CATSPERE: variants seen among roughly 807,000 people sequenced by gnomAD.
The protein encoded by CATSPERE is cation channel sperm-associated auxiliary subunit epsilon.
Under a neutral mutation model 114.1 loss-of-function variants are expected in CATSPERE, and 93 were observed. The observed-to-expected ratio is 0.81, with a 90% confidence interval of 0.69 to 0.97. The LOEUF (loss-of-function observed/expected upper bound fraction) is 0.97. Ranked by LOEUF, CATSPERE falls within the 50% of genes least tolerant of loss-of-function variation. The pLI, the probability that CATSPERE is intolerant of heterozygous loss-of-function variation, is 0.00. For synonymous variants in CATSPERE, 341 were observed against 384.1 expected (o/e 0.89, Z 1.31); for missense variants, 1,058 against 1,131.6 (o/e 0.93, Z 0.93).
intron 6 of CATSPERE, among the ~76,000 whole-genome samples, chr1:244,491,985 A>G (rs1208986825): frequency 3.3e-5 from 5 of 152,222 alleles, no homozygotes; most frequent in Non-Finnish European, 7.3e-5. Context: ...CCAGGACCAG[A>G]TGGATTCACA....
At chr1:244,462,040 C>T (rs970320212) in intron 1 of CATSPERE, among the ~76,000 whole-genome samples, 3 of 152,160 alleles carry the variant, frequency 2.0e-5, no homozygotes, top group Non-Finnish European at 4.4e-5. Context: ...TGGTCTCGAA[C>T]TCCTGGCCTT....
intron 18 of CATSPERE, among the ~76,000 whole-genome samples, chr1:244,609,194 C>CAAAT (rs1253388600): frequency 6.6e-6 from 1 of 151,814 alleles, no homozygotes; most frequent in Non-Finnish European, 1.5e-5. Flanking sequence ...TCTAAACAAA[C>CAAAT]AAATAAATAA....
intron 13 of CATSPERE, among the ~76,000 whole-genome samples, chr1:244,586,438 C>A (rs953447051): frequency 1.3e-5 from 2 of 152,066 alleles, no homozygotes; most frequent in Admixed American, 1.3e-4. Context: ...AAAGGGCAGG[C>A]CAATGATTCT....
At position 244,575,256 on chromosome 1, in the gene CATSPERE, A is replaced by G. The variant is rs1274026189; in HGVS notation, c.1950+2484A>G. ...CCAGGCCCCGGGCTGTTGCTGGCCC[A>G]GAGGCTTGGCAGGTGCCTGCCGTAA... On this transcript the variant is annotated intron_variant, in intron 11 of 21. Coordinates refer to ENST00000366534, the MANE Select transcript of CATSPERE (RefSeq NM_001130957.2). This position sits in a 1 kb window ranked among gnomAD's most constrained non-coding sequence, Gnocchi z 4.5. Among the ~76,000 whole-genome samples, 2 of 152,214 alleles carry G rather than the reference A, an allele frequency of 1.3e-5. No individual in the cohort carries two copies. Among genetic ancestry groups the G allele is most frequent in the Non-Finnish European group, 2.9e-5 (2 of 68,040 alleles).
intron 2 of CATSPERE, among the ~76,000 whole-genome samples, chr1:244,472,000 C>T (rs544003871): frequency 6.6e-6 from 1 of 152,298 alleles, no homozygotes; most frequent in Non-Finnish European, 1.5e-5. Context: ...AACTCTGTTG[C>T]CTAGCGTGGT....
rs1416947117 is a variant in CATSPERE at position 244,468,142 on chromosome 1, G to C, written c.114+4186G>C. 4.0e-5 allele frequency among the ~76,000 whole-genome samples: 6 copies of C among 150,356 alleles called. No homozygotes were observed. The South Asian group carries it at 8.4e-4, about 21-fold the overall frequency. On this transcript the variant is annotated intron_variant, in intron 2 of 21. Transcript: ENST00000366534. ...AAAATCTCGCTCTGTCACCCAGGCTGGAGTGCAGTGCGCAATCTTGGCTCA... is the reference window on the plus strand; with the variant it reads ...AAAATCTCGCTCTGTCACCCAGGCTCGAGTGCAGTGCGCAATCTTGGCTCA...
chr1:244,451,748 GC>G, upstream of CATSPERE: 1 of 1,601,914 alleles, frequency 6.2e-7, no homozygotes. This position sits in a 1 kb window ranked among gnomAD's most constrained non-coding sequence, Gnocchi z 6.6. Context: ...CCTCCGGGCC[GC>G]GCCCTGGGGC....
intron 20 of CATSPERE, among the ~76,000 whole-genome samples, chr1:244,620,312 C>G (rs1671929762): frequency 6.6e-6 from 1 of 152,176 alleles, no homozygotes; most frequent in Non-Finnish European, 1.5e-5. Flanking sequence ...TCTCTTTTAA[C>G]ACTGCAATCA....
intron 2 of CATSPERE, among the ~76,000 whole-genome samples, chr1:244,469,721 A>G (rs991767100): frequency 6.6e-6 from 1 of 152,210 alleles, no homozygotes; most frequent in African/African-American, 2.4e-5. Flanking sequence ...GAAATTCAAG[A>G]GTACCAGAAT....
At chr1:244,569,122 G>C (rs555333344) in intron 10 of CATSPERE, among the ~76,000 whole-genome samples, 18 of 149,736 alleles carry the variant, frequency 1.2e-4, no homozygotes, top group African/African-American at 4.3e-4. Context: ...GGATACCATG[G>C]GTTCCTTATG....
rs1486675271 is a variant in CATSPERE, at chr1:244,523,993, A to G, written c.536+5295A>G. On this transcript the variant is annotated intron_variant, in intron 8 of 21. Transcript: ENST00000366534. ...ACAGAATTGGAAAAAACTACTTTAAAGTTCATATGGAACCAAAAAAGAGCC... is the reference window on the plus strand; with the variant it reads ...ACAGAATTGGAAAAAACTACTTTAAGGTTCATATGGAACCAAAAAAGAGCC... Among the ~76,000 whole-genome samples, 5 of 149,274 alleles carry G rather than the reference A, an allele frequency of 3.3e-5. No homozygotes were observed. In the East Asian group the frequency reaches 9.7e-4, roughly 29 times the overall value.
At chr1:244,488,173 A>T (rs759600768) in intron 5 of CATSPERE, among the ~76,000 whole-genome samples, 1 of 152,118 alleles carries the variant, frequency 6.6e-6, no homozygotes, top group Non-Finnish European at 1.5e-5. Context: ...GTATCCCACT[A>T]CTATCTCTCT....
intron 19 of CATSPERE, among the ~76,000 whole-genome samples, chr1:244,612,048 T>C (rs975475957): frequency 1.3e-5 from 2 of 152,040 alleles, no homozygotes; most frequent in Non-Finnish European, 2.9e-5. Flanking sequence ...TTCAGAGCAA[T>C]TGAAATAGTA....
chr1:244,487,687 G>A (rs1205738719), intron 5 of CATSPERE, among the ~76,000 whole-genome samples: 1 of 152,110 alleles, frequency 6.6e-6, no homozygotes, highest in Non-Finnish European at 1.5e-5. Flanking sequence ...GAAGCAGCTT[G>A]TGGGACAGGG....
rs947139373 is a variant in CATSPERE, at chr1:244,544,801, G to A, written c.537-7521G>A. ...GGCAGTAATTCCAATTGCAGCTGCT[G>A]TACCAGATGTGTTTCATTGCTTGAG... On this transcript the variant is annotated intron_variant, in intron 8 of 21. Coordinates refer to ENST00000366534, the MANE Select transcript of CATSPERE (RefSeq NM_001130957.2). 5.3e-5 allele frequency among the ~76,000 whole-genome samples: 8 copies of A among 152,310 alleles called. No homozygotes were observed. The South Asian group carries it at 1.2e-3, about 24-fold the overall frequency.
In CATSPERE at chr1:244,502,921, G is replaced by T. The variant is rs114111943; in HGVS notation, c.429+3842G>T. The stretch of plus-strand genomic sequence containing the variant: ...GGTTCCCATCCCCCATTGGTCAGAG[G>T]TTTCCCCCTGGCTTGTTAACTCCTG... On this transcript the variant is annotated intron_variant, in intron 7 of 21. Coordinates refer to ENST00000366534, the MANE Select transcript of CATSPERE (RefSeq NM_001130957.2). Among the ~76,000 whole-genome samples the T allele has an allele frequency of 3.8e-3, 582 of 152,250 alleles. 2 individuals are homozygous for T. Among genetic ancestry groups the T allele is most frequent in the Non-Finnish European group, 6.2e-3 (424 of 68,006 alleles).
intron 17 of CATSPERE, among the ~76,000 whole-genome samples, chr1:244,595,057 C>CT: frequency 6.6e-6 from 1 of 152,260 alleles, no homozygotes; most frequent in South Asian, 2.1e-4. Flanking sequence ...TTATGTAATG[C>CT]TTAACCTGCC....
rs568392968 is a variant in CATSPERE, at chr1:244,634,534, T to C, written c.2649-955T>C. The stretch of plus-strand genomic sequence containing the variant: ...TCCTGCCTCATTCCAAGCAATATAC[T>C]TAATAATGAGAGACATTCTGTAATA... On this transcript the variant is annotated intron_variant, in intron 20 of 21. Transcript: ENST00000366534. Among the ~76,000 whole-genome samples the C allele has an allele frequency of 3.9e-5, 6 of 152,348 alleles. No individual in the cohort carries two copies. In the South Asian group the frequency reaches 1.2e-3, roughly 32 times the overall value.
chr1:244,532,123 C>T (rs1679708601), intron 8 of CATSPERE, among the ~76,000 whole-genome samples: 1 of 152,110 alleles, frequency 6.6e-6, no homozygotes, highest in African/African-American at 2.4e-5. Flanking sequence ...TATAGTTGCT[C>T]ATAGTAGCCT....
Sources: gnomAD v4.1 joint callset for allele counts (sites outside exome capture counted in the v4.1 genomes callset) on GRCh38, gnomAD v4.1.1 for gene constraint, Gnocchi (gnomAD v3.1) non-coding constraint, MANE v1.5 for transcripts, NCBI Gene and HGNC (gene_info 2026-07-23, HGNC 2026-07-21) for gene names.